The following CRTAC1 variants were observed in gnomAD, a reference collection of about 807,000 sequenced individuals.
CRTAC1 encodes the protein cartilage acidic protein 1.
A neutral mutation model predicts 67.8 loss-of-function variants in CRTAC1; 37 were observed. That is an observed-to-expected ratio of 0.55 (90% CI 0.42 to 0.72). The LOEUF (loss-of-function observed/expected upper bound fraction) is 0.72, where lower values mean the gene tolerates loss of function less well. CRTAC1 is among the 30% of genes least tolerant of loss of function. The pLI is 0.00. For synonymous variants in CRTAC1, 348 were observed against 371.0 expected (o/e 0.94, Z 0.71); for missense variants, 780 against 931.6 (o/e 0.84, Z 2.12).
intron 14 of CRTAC1, among the ~76,000 whole-genome samples, chr10:97,877,801 T>C (rs1289464549): frequency 6.6e-6 from 1 of 152,212 alleles, no homozygotes; most frequent in Admixed American, 6.5e-5. Context: ...ATAAAACTCA[T>C]TGTGAAGGCA....
intron 2 of CRTAC1, among the ~76,000 whole-genome samples, chr10:97,992,807 T>C (rs981570498): frequency 1.3e-5 from 2 of 152,180 alleles, no homozygotes; most frequent in Non-Finnish European, 2.9e-5. Context: ...AGGGAGATAT[T>C]GGTCAAAGGA....
chr10:97,908,235 A>T, intron 5 of CRTAC1, 88 bp from the exon 6 acceptor site: 2 of 1,426,862 alleles, frequency 1.4e-6, no homozygotes, highest in East Asian at 2.3e-5. Context: ...CCTGAGGGGA[A>T]CTGCAGCAGA....
intron 2 of CRTAC1, among the ~76,000 whole-genome samples, chr10:97,987,156 T>C (rs929425711): frequency 6.6e-6 from 1 of 152,212 alleles, no homozygotes; most frequent in Non-Finnish European, 1.5e-5. Flanking sequence ...ACAATGGTTG[T>C]ATATACAGCC....
intron 1 of CRTAC1, among the ~76,000 whole-genome samples, chr10:98,015,465 A>G (rs1842979090): frequency 6.6e-6 from 1 of 152,220 alleles, no homozygotes; most frequent in African/African-American, 2.4e-5. Flanking sequence ...ACATAACATC[A>G]CTAAAGTATA....
chr10:97,912,613 A>AG (rs2136581044), intron 5 of CRTAC1, among the ~76,000 whole-genome samples: 1 of 152,252 alleles, frequency 6.6e-6, no homozygotes, highest in Non-Finnish European at 1.5e-5. Flanking sequence ...GGGGTGAGAC[A>AG]GGGAAAGATG....
intron 1 of CRTAC1, among the ~76,000 whole-genome samples, chr10:98,014,058 T>C (rs1384459297): frequency 6.6e-6 from 1 of 152,236 alleles, no homozygotes; most frequent in Non-Finnish European, 1.5e-5. Flanking sequence ...TGGGCTGTCT[T>C]GATGGCGTAT....
chr10:97,876,705 T>G (rs1204802855), intron 14 of CRTAC1, among the ~76,000 whole-genome samples: 1 of 152,108 alleles, frequency 6.6e-6, no homozygotes, highest in African/African-American at 2.4e-5. Context: ...TAGGTGGGGC[T>G]AAGGGACAGG....
At chr10:98,013,370 C>G (rs1433806863) in intron 1 of CRTAC1, among the ~76,000 whole-genome samples, 5 of 152,226 alleles carry the variant, frequency 3.3e-5, no homozygotes, top group African/African-American at 4.8e-5. Context: ...CCTAAAAGTT[C>G]TAATCATTAG....
intron 2 of CRTAC1, among the ~76,000 whole-genome samples, chr10:97,949,929 C>A (rs191039691): frequency 5.3e-5 from 8 of 152,296 alleles, no homozygotes; most frequent in Non-Finnish European, 1.0e-4. Flanking sequence ...ATATGTCTGT[C>A]TTTTTCTCCT....
Position 97,890,424 on chromosome 10 carries a change from GA to G in CRTAC1, c.1486+4820del, listed in dbSNP as rs143023007. On this transcript the variant is annotated intron_variant, in intron 11 of 14. Coordinates refer to ENST00000370597, the MANE Select transcript of CRTAC1 (RefSeq NM_018058.7). ...GTACCCAGCCTTGGACATAGGTTAA[GA>G]GGGGGAAAAAAAGCAAGTTACAGAA... Among the ~76,000 whole-genome samples the G allele has an allele frequency of 4.8e-3, 726 of 152,192 alleles. 4 individuals carry two copies. The highest frequency in any genetic ancestry group is 0.016 in the African/African-American group (681 of 41,556).
chr10:97,876,574 C>T (rs1226359236), intron 14 of CRTAC1, among the ~76,000 whole-genome samples: 3 of 152,146 alleles, frequency 2.0e-5, no homozygotes, highest in Non-Finnish European at 4.4e-5. Context: ...GGTGGGGCAC[C>T]AGCTCCTCCA....
chr10:97,875,658 C>A (rs1031931467), intron 14 of CRTAC1, among the ~76,000 whole-genome samples: 1 of 152,202 alleles, frequency 6.6e-6, no homozygotes, highest in Non-Finnish European at 1.5e-5. Context: ...GGCTGGAAGT[C>A]TGGGTGGAGG....
chr10:97,978,270 C>G (rs1025926919), intron 2 of CRTAC1, among the ~76,000 whole-genome samples: 3 of 152,130 alleles, frequency 2.0e-5, no homozygotes, highest in African/African-American at 7.2e-5. Flanking sequence ...ACAAGGTCTC[C>G]GGTGACTTGT....
chr10:97,880,148 A>T lies in CRTAC1; in HGVS notation c.1819+101T>A. The T allele has an allele frequency of 2.9e-6, 4 of 1,360,118 alleles. No individual in the cohort carries two copies. In the South Asian group the frequency reaches 3.9e-5, roughly 13 times the overall value. 84.3% of individuals were successfully genotyped at this position (1,360,118 alleles called of 1,614,324 possible). Reference sequence around the variant, plus strand: ...TCAAAGGAGACTCTATCCAGCCAGGAGAAGGAAGGGGCTGGGGACCTTGAT... The same window carrying T: ...TCAAAGGAGACTCTATCCAGCCAGGTGAAGGAAGGGGCTGGGGACCTTGAT... On this transcript the variant is annotated intron_variant, in intron 14 of 14. Transcript: ENST00000370597.
intron 2 of CRTAC1, among the ~76,000 whole-genome samples, chr10:97,987,806 C>A (rs2052007318): frequency 6.6e-6 from 1 of 152,198 alleles, no homozygotes; most frequent in African/African-American, 2.4e-5. Flanking sequence ...GTGACTATGT[C>A]ATGATTATGT....
intron 2 of CRTAC1, among the ~76,000 whole-genome samples, chr10:98,006,520 C>T (rs932876682): frequency 6.6e-6 from 1 of 152,176 alleles, no homozygotes; most frequent in Admixed American, 6.5e-5. Flanking sequence ...CATGCACACG[C>T]CTTCCATCAC....
chr10:97,927,767 G>A (rs368778903), intron 3 of CRTAC1, among the ~76,000 whole-genome samples: 7 of 152,260 alleles, frequency 4.6e-5, no homozygotes, highest in African/African-American at 1.4e-4. Flanking sequence ...ATGGGAGCCC[G>A]TGATTTAGGA....
At chr10:98,007,872 AAG>A (rs1564932970) in intron 2 of CRTAC1, among the ~76,000 whole-genome samples, 1 of 152,188 alleles carries the variant, frequency 6.6e-6, no homozygotes, top group Non-Finnish European at 1.5e-5. Flanking sequence ...TTGAAAGAGA[AAG>A]AGAAAAAGAC....
intron 3 of CRTAC1, among the ~76,000 whole-genome samples, chr10:97,933,061 C>G (rs1021611731): frequency 6.6e-6 from 1 of 152,234 alleles, no homozygotes; most frequent in East Asian, 1.9e-4. Flanking sequence ...ATGGGCACAG[C>G]CAAATGCCAT....
Sources: gnomAD v4.1 joint callset for allele counts (sites outside exome capture counted in the v4.1 genomes callset) on GRCh38, gnomAD v4.1.1 for gene constraint, MANE v1.5 for transcripts, NCBI Gene and HGNC (gene_info 2026-07-23, HGNC 2026-07-21) for gene names.